UPK1B: variants seen among roughly 807,000 people sequenced by gnomAD.
UPK1B encodes uroplakin-1b.
UPK1B carries 28 observed loss-of-function variants against 34.2 expected under a neutral mutation model. The observed-to-expected ratio is 0.82, with a 90% CI of 0.61 to 1.12. The LOEUF (loss-of-function observed/expected upper bound fraction) is 1.12, where lower values mean the gene tolerates loss of function less well. Ranked by LOEUF, UPK1B falls within the 50% of genes most tolerant of loss-of-function variation. UPK1B has a pLI of 0.00. For missense variants in UPK1B, 325 were observed against 320.9 expected (o/e 1.01, Z -0.10); for synonymous variants, 81 against 110.4 (o/e 0.73, Z 1.67).
rs759392713 is a variant in UPK1B at position 119,191,065 on chromosome 3, C to T, written c.429C>T (p.Asn143=). The change falls in exon 5 of 8, where the codon AAC becomes AAT. Residue 143 remains asparagine (N), a synonymous_variant. Transcript: ENST00000264234. ...SPPNNDDQWK[N]NGVTKTWDRL... is the part of the protein sequence containing the mutation. ...CAAACAATGATGACCAGTGGAAAAA[C>T]AATGGAGTCACCAAAACCTGGGACA... 23 of 1,614,024 alleles carry T rather than the reference C, an allele frequency of 1.4e-5. 1 individual carries two copies. In the Admixed American group the frequency reaches 3.8e-4, roughly 27 times the overall value.
chr3:119,183,266 TTTTTG>T (rs1334510390), intron 1 of UPK1B, among the ~76,000 whole-genome samples: 4 of 144,894 alleles, frequency 2.8e-5, no homozygotes, highest in Non-Finnish European at 6.0e-5. Context: ...CTTCCCTTTT[TTTTTG>T]TTTTTTTTTT....
At chr3:119,185,943 G>A (rs1420352369) in intron 1 of UPK1B, among the ~76,000 whole-genome samples, 1 of 152,160 alleles carries the variant, frequency 6.6e-6, no homozygotes, top group African/African-American at 2.4e-5. Flanking sequence ...GGAAGCACGT[G>A]GACTCTGGAG....
intron 1 of UPK1B, among the ~76,000 whole-genome samples, chr3:119,186,441 C>T (rs1251982735): frequency 2.0e-5 from 3 of 152,310 alleles, no homozygotes; most frequent in East Asian, 1.9e-4. Flanking sequence ...TTCCACCTTG[C>T]GGGGCTCAGT....
chr3:119,186,998 GA>G, intron 2 of UPK1B, among the ~76,000 whole-genome samples, 188 bp downstream of exon 2: 1 of 152,290 alleles, frequency 6.6e-6, no homozygotes, highest in Non-Finnish European at 1.5e-5. Context: ...GATCATGGTT[GA>G]AAAAGTAGAT....
rs1288145350 is a variant in UPK1B, at chr3:119,205,119, TAAGTA to T, written c.*1156_*1160del. On this transcript the variant is annotated 3_prime_UTR_variant, in exon 8 of 8. Transcript: ENST00000264234. ...ATAACTCAACATTTGTCTGGTCTTA[TAAGTA>T]AAGACAGCTTTAAAATCTGTTCACT... 6.6e-6 allele frequency: 1 copy of T among 152,250 alleles called. No homozygotes were observed. The highest frequency in any genetic ancestry group is 6.5e-5 in the Admixed American group (1 of 15,278). 9.4% of individuals were successfully genotyped at this position (152,250 alleles called of 1,614,324 possible).
intron 7 of UPK1B, among the ~76,000 whole-genome samples, chr3:119,203,461 T>G (rs13078534): frequency 0.28 from 42,196 of 151,094 alleles, 6,034 homozygotes; most frequent in Middle Eastern, 0.4. Context: ...TATGGAATAC[T>G]ATGCAGCCAT....
chr3:119,182,776 C>G (rs932059154), intron 1 of UPK1B, among the ~76,000 whole-genome samples: 2 of 152,212 alleles, frequency 1.3e-5, no homozygotes, highest in Non-Finnish European at 2.9e-5. Context: ...TGGACACCAA[C>G]CTAGTCTAAA....
rs1290740681 is a variant in UPK1B at position 119,204,399 on chromosome 3, T to C, written c.*432T>C. The C allele has an allele frequency of 6.1e-6, 1 of 163,616 alleles. No homozygotes were observed. Among genetic ancestry groups the C allele is most frequent in the Non-Finnish European group, 1.3e-5 (1 of 75,232 alleles). 10.1% of individuals were successfully genotyped at this position (163,616 alleles called of 1,614,324 possible). On this transcript the variant is annotated 3_prime_UTR_variant, in exon 8 of 8. Transcript: ENST00000264234. ...CAGTATTGTCAGGGGAACAGAGAAG[T>C]TGGGAAAAGATTACTGAAATATACC...
intron 3 of UPK1B, among the ~76,000 whole-genome samples, chr3:119,188,698 C>A (rs544155139): frequency 6.6e-6 from 1 of 152,196 alleles, no homozygotes; most frequent in South Asian, 2.1e-4. Flanking sequence ...AGCTGAGAAA[C>A]CTGTTTCAGA....
chr3:119,175,942 A>G (rs1458609663), intron 1 of UPK1B: 1 of 152,240 alleles, frequency 6.6e-6, no homozygotes, highest in Non-Finnish European at 1.5e-5. Flanking sequence ...ACTTATGGGC[A>G]CTGTGAGCCA....
intron 1 of UPK1B, among the ~76,000 whole-genome samples, chr3:119,184,563 C>A (rs75682766): frequency 2.3e-3 from 272 of 116,916 alleles, no homozygotes; most frequent in Non-Finnish European, 2.4e-3. Context: ...ACTAAAAATA[C>A]AAAAAAAAAA....
chr3:119,194,231 G>C lies in UPK1B; in HGVS notation c.481G>C (p.Gly161Arg). The C allele has an allele frequency of 6.2e-7, 1 of 1,613,890 alleles. No individual in the cohort carries two copies. The highest frequency in any genetic ancestry group is 8.5e-7 in the Non-Finnish European group (1 of 1,179,878). The change falls in exon 6 of 8, where the codon GGC becomes CGC. Residue 161 changes from glycine to arginine, a missense_variant. Physicochemically the swap from Gly to Arg is moderately radical, Grantham distance 125. Coordinates refer to ENST00000264234, the MANE Select transcript of UPK1B (RefSeq NM_006952.4). ...DRLMLQDNCC[G>R]VNGPSDWQKY... ...CATCTGCTGACAGGACAATTGCTGT[G>C]GCGTAAATGGTCCATCAGACTGGCA...
At chr3:119,187,136 A>G (rs1051790443) in intron 2 of UPK1B, among the ~76,000 whole-genome samples, 2 of 152,314 alleles carry the variant, frequency 1.3e-5, no homozygotes, top group Admixed American at 6.5e-5. Flanking sequence ...TTTGATTTCC[A>G]TGGGACTCTG....
At chr3:119,203,866 T>A (rs765834851) in intron 7 of UPK1B, 51 bp from the exon 8 acceptor site, 2 of 1,570,906 alleles carry the variant, frequency 1.3e-6, no homozygotes, top group Non-Finnish European at 1.8e-6. Context: ...AAGAATGAGA[T>A]GTTTCTAAAA....
chr3:119,177,959 G>T (rs1277694275), intron 1 of UPK1B, among the ~76,000 whole-genome samples: 1 of 152,162 alleles, frequency 6.6e-6, no homozygotes, highest in Non-Finnish European at 1.5e-5. Context: ...AAGTTGAGGA[G>T]AGAAGAGGTT....
intron 6 of UPK1B, 29 bp downstream of exon 6, chr3:119,194,427 C>T (rs2078057841): frequency 1.3e-6 from 2 of 1,582,288 alleles, no homozygotes; most frequent in African/African-American, 2.7e-5. Context: ...CAAGACTTCC[C>T]AGGAGGTTCT....
chr3:119,191,371 C>T (rs1247535673), intron 5 of UPK1B, among the ~76,000 whole-genome samples: 1 of 152,192 alleles, frequency 6.6e-6, no homozygotes, highest in Admixed American at 6.5e-5. Context: ...TTGGGTACCT[C>T]TTCACAACTC....
chr3:119,175,960 C>G (rs1042653975), intron 1 of UPK1B: 1 of 152,348 alleles, frequency 6.6e-6, no homozygotes, highest in African/African-American at 2.4e-5. Context: ...CCATGGGTGA[C>G]AGCCCTGGGA....
chr3:119,188,647 T>C (rs1230109632), intron 3 of UPK1B, among the ~76,000 whole-genome samples: 1 of 152,228 alleles, frequency 6.6e-6, no homozygotes, highest in Non-Finnish European at 1.5e-5. Context: ...AGCAAGACCA[T>C]GCCCTGCCTT....
Sources: allele counts gnomAD v4.1 joint callset (sites outside exome capture counted in the v4.1 genomes callset), GRCh38; gene constraint gnomAD v4.1.1; transcripts MANE v1.5; gene names NCBI Gene and HGNC (gene_info 2026-07-23, HGNC 2026-07-21).